SLC4A1: variants seen among roughly 807,000 people sequenced by gnomAD.
SLC4A1 encodes the protein solute carrier family 4 member 1 (Diego blood group), also known as band 3 anion transport protein.
Under a neutral mutation model 93.1 loss-of-function variants are expected in SLC4A1, and 29 were observed. The observed-to-expected ratio is 0.31, with a 90% CI of 0.23 to 0.42. The LOEUF (loss-of-function observed/expected upper bound fraction) is 0.42. SLC4A1 is among the 20% of genes least tolerant of loss of function. The pLI is 1.00. For missense variants in SLC4A1, 965 were observed against 1,190.1 expected (o/e 0.81, Z 2.78); for synonymous variants, 469 against 497.2 (o/e 0.94, Z 0.76).
chr17:44,267,255 C>A (rs1298157599), intron 1 of SLC4A1, among the ~76,000 whole-genome samples: 1 of 152,146 alleles, frequency 6.6e-6, no homozygotes, highest in Non-Finnish European at 1.5e-5. Flanking sequence ...GATTCAAAGC[C>A]CAGCCCTGCC....
intron 14 of SLC4A1, 25 bp downstream of exon 14, chr17:44,255,648 G>A: frequency 6.2e-7 from 1 of 1,611,792 alleles, no homozygotes. Context: ...GTGTTGGCAA[G>A]GACAGGCGAG....
intron 15 of SLC4A1, 152 bp downstream of exon 15, chr17:44,255,055 C>G: frequency 1.4e-6 from 1 of 689,930 alleles, no homozygotes; most frequent in Non-Finnish European, 2.6e-6. Flanking sequence ...CTGTGAGAAG[C>G]ACATGGGACT....
At chr17:44,255,048 T>C (rs1446704325) in intron 15 of SLC4A1, among the ~76,000 whole-genome samples, 159 bp downstream of exon 15, 1 of 151,476 alleles carries the variant, frequency 6.6e-6, no homozygotes, top group African/African-American at 2.4e-5. Context: ...TCTGGGGCTG[T>C]GAGAAGCACA....
intron 17 of SLC4A1, among the ~76,000 whole-genome samples, chr17:44,252,200 C>T (rs1235946235): frequency 3.3e-5 from 5 of 151,912 alleles, no homozygotes; most frequent in South Asian, 4.2e-4. Flanking sequence ...GGATTATAGG[C>T]GTGCGACACC....
chr17:44,259,619 A>G (rs1242339515), intron 7 of SLC4A1, 38 bp from the exon 8 acceptor site: 1 of 1,566,856 alleles, frequency 6.4e-7, no homozygotes, highest in Non-Finnish European at 8.8e-7. Context: ...TCCTCGGGCC[A>G]GTCTGACCTG....
chr17:44,262,606 A>G (rs1411226316), intron 3 of SLC4A1, 30 bp downstream of exon 3: 1 of 1,539,744 alleles, frequency 6.5e-7, no homozygotes, highest in South Asian at 1.1e-5. Context: ...TCAGCAGCTC[A>G]TCCCAGCTGA....
At chr17:44,250,633 G>T in intron 19 of SLC4A1, 95 bp from the exon 20 acceptor site, 1 of 922,246 alleles carries the variant, frequency 1.1e-6, no homozygotes, top group Non-Finnish European at 1.8e-6. Context: ...GTTAGGAGAG[G>T]GTCTGGCTGT....
chr17:44,263,170 C>G (rs529545867), intron 1 of SLC4A1, among the ~76,000 whole-genome samples: 1 of 152,116 alleles, frequency 6.6e-6, no homozygotes, highest in Non-Finnish European at 1.5e-5. Flanking sequence ...CTGGCACCAG[C>G]GAAGGATGTT....
At chr17:44,261,758 C>A in intron 3 of SLC4A1, 122 bp from the exon 4 acceptor site, 1 of 1,546,094 alleles carries the variant, frequency 6.5e-7, no homozygotes, top group South Asian at 1.1e-5. Flanking sequence ...GTGCCCTGGG[C>A]TGGGTCTCTG....
chr17:44,251,737 TTTG>T, intron 17 of SLC4A1, 149 bp from the exon 18 acceptor site: 2 of 628,892 alleles, frequency 3.2e-6, no homozygotes, highest in South Asian at 2.1e-5. Flanking sequence ...TTTTTTTTTT[TTTG>T]TTTTTTTTTT....
intron 4 of SLC4A1, 70 bp from the exon 5 acceptor site, chr17:44,260,885 C>A: frequency 4.5e-6 from 7 of 1,545,014 alleles, no homozygotes; most frequent in South Asian, 4.5e-5. Context: ...CAGCCACTCT[C>A]GAGAGAGGCT....
chr17:44,251,263 TCAC>T lies in SLC4A1; in HGVS notation c.2548_2550del (p.Val850del), dbSNP rs121912752. 4 of 1,614,128 alleles carry T rather than the reference TCAC, an allele frequency of 2.5e-6. No homozygotes were observed. The highest frequency in any genetic ancestry group is 1.1e-5 in the South Asian group (1 of 91,086). ...AGGGCCAGGGAGGCCGGCGTGGACT[TCAC>T]CACCCACAGCACTGCCAGGCAGATG... On this transcript the variant is annotated inframe_deletion, in exon 19 of 20. Transcript: ENST00000262418.
In SLC4A1 at chr17:44,254,198, A is replaced by T. The variant is rs1338717295; in HGVS notation, c.2057+298T>A. ...ACCATGTTAGCCAAGCTGGTCTCGA[A>T]CTCCTGACCTCAGGTGATCTGCCCG... is the stretch of plus-strand genomic sequence containing the variant. On this transcript the variant is annotated intron_variant, in intron 16 of 19. Coordinates refer to ENST00000262418, the MANE Select transcript of SLC4A1 (RefSeq NM_000342.4). Among the ~76,000 whole-genome samples, 7 of 151,374 alleles carry T rather than the reference A, an allele frequency of 4.6e-5. No homozygotes were observed. The East Asian group carries it at 1.2e-3, about 25-fold the overall frequency.
At position 44,259,347 on chromosome 17, in the gene SLC4A1, G is replaced by C; in HGVS notation, c.695-3C>G. 1 of 1,613,392 alleles carries C rather than the reference G, an allele frequency of 6.2e-7. No homozygotes were observed. The highest frequency in any genetic ancestry group is 8.5e-7 in the Non-Finnish European group (1 of 1,179,776). ...CTGCTCCAGGAAGTCGGCGCGGCCT[G>C]TTAGGGGATGAGAAGATCAGGCCAG... On this transcript the variant is annotated splice_polypyrimidine_tract_variant and splice_region_variant and intron_variant, in intron 8 of 19. Transcript: ENST00000262418.
Position 44,251,147 on chromosome 17 carries a change from G to A in SLC4A1, c.2655+12C>T. On this transcript the variant is annotated intron_variant, in intron 19 of 19. Coordinates refer to ENST00000262418, the MANE Select transcript of SLC4A1 (RefSeq NM_000342.4). ...CCCAGCTCTTGTGCCCCAGGCCCAG[G>A]CAGCCACTCACACACTGAAGCTCCA... The A allele has an allele frequency of 6.3e-7, 1 of 1,586,632 alleles. No homozygotes were observed. The highest frequency in any genetic ancestry group is 1.1e-5 in the South Asian group (1 of 87,888).
intron 17 of SLC4A1, among the ~76,000 whole-genome samples, chr17:44,252,645 G>C (rs1343615967): frequency 6.6e-6 from 1 of 152,182 alleles, no homozygotes; most frequent in Non-Finnish European, 1.5e-5. Context: ...CAACCCCAGT[G>C]ACCCTTCTTT....
chr17:44,255,489 G>A (rs751970871), intron 14 of SLC4A1, among the ~76,000 whole-genome samples, 184 bp downstream of exon 14: 2 of 152,176 alleles, frequency 1.3e-5, no homozygotes, highest in Admixed American at 6.5e-5. Flanking sequence ...GGCATGCCAT[G>A]AAAGTGGGAG....
chr17:44,252,719 T>G (rs1248390549), intron 17 of SLC4A1, among the ~76,000 whole-genome samples: 1 of 152,194 alleles, frequency 6.6e-6, no homozygotes, highest in East Asian at 1.9e-4. Flanking sequence ...ATGGAGCAGC[T>G]GAGCTGGAAG....
Position 44,257,394 on chromosome 17 carries a change from T to A in SLC4A1, c.1582A>T (p.Ile528Phe). ...RYTQEIFSFL[I>F]SLIFIYETFS... The stretch of plus-strand genomic sequence containing the variant: ...GTCTCATAGATGAAGATGAGGGAAA[T>A]GAGGAAGGAGAAGATCTCCTGGGTA... Residue 528 changes from isoleucine to phenylalanine, a missense_variant, in exon 13 of 20, where the codon ATT (isoleucine) becomes TTT (phenylalanine). Physicochemically the swap from Ile to Phe is conservative, Grantham distance 21 (BLOSUM62 0). Coordinates refer to ENST00000262418, the MANE Select transcript of SLC4A1 (RefSeq NM_000342.4). 1 of 1,613,460 alleles carries A rather than the reference T, an allele frequency of 6.2e-7. No homozygotes were observed. Among genetic ancestry groups the A allele is most frequent in the Non-Finnish European group, 8.5e-7 (1 of 1,179,896 alleles).
Sources: allele counts gnomAD v4.1 joint callset (sites outside exome capture counted in the v4.1 genomes callset), GRCh38; gene constraint gnomAD v4.1.1; transcripts MANE v1.5; gene names NCBI Gene and HGNC (gene_info 2026-07-23, HGNC 2026-07-21).